Variants in CNNM2 observed in about 807,000 individuals in gnomAD.
CNNM2 encodes the protein cyclin and CBS domain divalent metal cation transport mediator 2.
Under a neutral mutation model 66.9 loss-of-function variants are expected in CNNM2, and 12 were observed. The ratio of observed to expected loss-of-function variants is 0.18; its 90% CI spans 0.11 to 0.29. The LOEUF (loss-of-function observed/expected upper bound fraction) is 0.29, where lower values mean the gene tolerates loss of function less well. CNNM2 is among the 10% of genes least tolerant of loss of function. The pLI is 1.00. For synonymous variants in CNNM2, 557 were observed against 501.8 expected, an observed-to-expected ratio of 1.11 and a Z score of -1.47; for missense variants, 705 against 1,167.7, an observed-to-expected ratio of 0.60 and a Z score of 5.77.
intron 1 of CNNM2, among the ~76,000 whole-genome samples, chr10:102,949,814 A>G (rs1162681759): frequency 6.6e-6 from 1 of 152,038 alleles, no homozygotes; most frequent in African/African-American, 2.4e-5. Flanking sequence ...AACAATAATA[A>G]TAATAACAAC....
At chr10:103,008,793 A>AC (rs1354104002) in intron 1 of CNNM2, among the ~76,000 whole-genome samples, 1 of 151,532 alleles carries the variant, frequency 6.6e-6, no homozygotes, top group African/African-American at 2.4e-5. Flanking sequence ...AAAAAAAAAA[A>AC]AAAAACCCAA....
chr10:103,006,648 T>G (rs929457068), intron 1 of CNNM2, among the ~76,000 whole-genome samples: 3 of 152,006 alleles, frequency 2.0e-5, no homozygotes, highest in African/African-American at 7.2e-5. Flanking sequence ...CTTCTTTTAC[T>G]TAGGGTCTCA....
intron 1 of CNNM2, among the ~76,000 whole-genome samples, chr10:102,946,609 T>C (rs1188138981): frequency 6.6e-6 from 1 of 152,170 alleles, no homozygotes; most frequent in African/African-American, 2.4e-5. Context: ...GCAACTCCTT[T>C]GAGCCCAAAT....
At chr10:102,956,711 A>G (rs367952538) in intron 1 of CNNM2, among the ~76,000 whole-genome samples, 13 of 152,288 alleles carry the variant, frequency 8.5e-5, no homozygotes, top group Middle Eastern at 3.4e-3. Context: ...TGAGCAAACT[A>G]TCACAAGCAC....
chr10:102,990,407 A>G (rs1469624193), intron 1 of CNNM2, among the ~76,000 whole-genome samples: 1 of 152,158 alleles, frequency 6.6e-6, no homozygotes, highest in Non-Finnish European at 1.5e-5. Flanking sequence ...TTTGCGTGGG[A>G]ATAAAAGTGT....
In CNNM2 at chr10:103,089,781, C is replaced by T. The variant is rs1355682373; in HGVS notation, c.*12601C>T. On this transcript the variant is annotated 3_prime_UTR_variant, in exon 8 of 8. Transcript: ENST00000369878. ...GGGAGGTTTAATCTCACTAATTGAC[C>T]GTGTCAGCTGGTGCCGCTTGTAGTC... The T allele has an allele frequency of 3.7e-6, 6 of 1,613,928 alleles. No individual in the cohort carries two copies. Among genetic ancestry groups the T allele is most frequent in the Admixed American group, 1.7e-5 (1 of 60,012 alleles).
At chr10:103,002,530 AGTGCAATGGCGTGATCTTGGCC>A in intron 1 of CNNM2, among the ~76,000 whole-genome samples, 1 of 138,680 alleles carries the variant, frequency 7.2e-6, no homozygotes, top group African/African-American at 2.7e-5. Context: ...CCCAGGCTGG[AGTGCAATGGCGTGATCTTGGCC>A]CACTGCAGCC....
chr10:103,053,709 G>A (rs2065252670), intron 2 of CNNM2, among the ~76,000 whole-genome samples: 1 of 152,162 alleles, frequency 6.6e-6, no homozygotes, highest in Non-Finnish European at 1.5e-5. Flanking sequence ...CTTTTCGGAG[G>A]AAGTTCGCAG....
In CNNM2 at chr10:103,016,448, C is replaced by T. The variant is rs77787671; in HGVS notation, c.1622-33259C>T. Among the ~76,000 whole-genome samples, 14,425 of 152,070 alleles carry T rather than the reference C, an allele frequency of 0.095. 890 individuals carry two copies. Among genetic ancestry groups the T allele is most frequent in the East Asian group, 0.28 (1,433 of 5,168 alleles). ...GACAGCATTCTAGGCACAGAGGAGA[C>T]GGCAGTGAATCAGGTCATGTCCCTG... On this transcript the variant is annotated intron_variant, in intron 1 of 7. Transcript: ENST00000369878.
chr10:102,954,978 C>T (rs1431866363), intron 1 of CNNM2, among the ~76,000 whole-genome samples: 1 of 152,222 alleles, frequency 6.6e-6, no homozygotes, highest in East Asian at 1.9e-4. Context: ...GATTCGATGC[C>T]ATCCCCATCA....
intron 1 of CNNM2, among the ~76,000 whole-genome samples, chr10:102,940,878 C>G (rs1000143073): frequency 5.5e-4 from 84 of 152,068 alleles, no homozygotes; most frequent in Admixed American, 5.5e-3. Context: ...CCTGCCATCA[C>G]GCCTGGCCAA....
intron 1 of CNNM2, among the ~76,000 whole-genome samples, chr10:102,961,983 CACTT>C (rs1211659004): frequency 1.6e-4 from 24 of 152,074 alleles, no homozygotes; most frequent in African/African-American, 4.6e-4. Flanking sequence ...TGAAATAAGG[CACTT>C]ACTTTTTTTA....
intron 1 of CNNM2, among the ~76,000 whole-genome samples, chr10:102,992,784 C>T (rs2063922001): frequency 6.6e-6 from 1 of 152,142 alleles, no homozygotes; most frequent in Non-Finnish European, 1.5e-5. Flanking sequence ...AACCTCAGCT[C>T]TCTGATTTTC....
chr10:103,003,764 CTCTA>C (rs1469766332), intron 1 of CNNM2, among the ~76,000 whole-genome samples: 3 of 151,836 alleles, frequency 2.0e-5, no homozygotes, highest in Non-Finnish European at 4.4e-5. Context: ...CAGAGCGAGA[CTCTA>C]TCTTTTTTTT....
intron 1 of CNNM2, among the ~76,000 whole-genome samples, chr10:102,986,151 A>G (rs1385419300): frequency 6.6e-6 from 1 of 152,202 alleles, no homozygotes; most frequent in Non-Finnish European, 1.5e-5. Flanking sequence ...TGTGATTTAG[A>G]CTTGAGTGTG....
At chr10:103,072,707 G>A (rs552762437) in intron 6 of CNNM2, among the ~76,000 whole-genome samples, 7 of 152,234 alleles carry the variant, frequency 4.6e-5, no homozygotes, top group Non-Finnish European at 1.0e-4. Flanking sequence ...GGATTTCCTA[G>A]TTGGTAACAC....
chr10:103,032,021 T>A (rs2064833775), intron 1 of CNNM2, among the ~76,000 whole-genome samples: 1 of 152,228 alleles, frequency 6.6e-6, no homozygotes. Context: ...CGTGAACTAG[T>A]CACTGCGGCA....
intron 5 of CNNM2, 25 bp downstream of exon 5, chr10:103,068,747 G>T: frequency 1.9e-6 from 3 of 1,567,244 alleles, no homozygotes; most frequent in Non-Finnish European, 2.6e-6. Context: ...CAGCCGCATA[G>T]GGCAGGACCA....
intron 1 of CNNM2, among the ~76,000 whole-genome samples, chr10:103,013,028 C>T (rs2064375615): frequency 6.6e-6 from 1 of 152,050 alleles, no homozygotes; most frequent in Non-Finnish European, 1.5e-5. Flanking sequence ...TGCAAAAGAC[C>T]TTCATAAAAT....
Sources: allele counts gnomAD v4.1 joint callset (sites outside exome capture counted in the v4.1 genomes callset), GRCh38; gene constraint gnomAD v4.1.1; transcripts MANE v1.5; gene names NCBI Gene and HGNC (gene_info 2026-07-23, HGNC 2026-07-21).